The following CD1B variants were observed in gnomAD, a reference collection of about 807,000 sequenced individuals.
CD1B encodes the protein T-cell surface glycoprotein CD1b.
In CD1B, 43 loss-of-function variants were observed where a neutral mutation model predicts 39.8. The observed-to-expected ratio is 1.08, with a 90% CI of 0.85 to 1.39. The LOEUF is 1.39. Among genes scored for constraint, CD1B ranks in the 40% most tolerant of loss-of-function variants. The pLI, the probability that CD1B is intolerant of heterozygous loss-of-function variation, is 0.00. For missense variants in CD1B, 495 were observed against 403.8 expected (o/e 1.23, Z -1.94); for synonymous variants, 192 against 152.5 (o/e 1.26, Z -1.91).
At position 158,329,894 on chromosome 1, in the gene CD1B, A is replaced by G. The variant is rs759371580; in HGVS notation, c.565T>C (p.Leu189=). 4 of 1,614,172 alleles carry G rather than the reference A, an allele frequency of 2.5e-6. No homozygotes were observed. The highest frequency in any genetic ancestry group is 3.3e-5 in the Admixed American group (2 of 60,024). ...GCTTTTCCTGCATTGAGGACGCCCA[A>G]GAGATATCGGGGGCAGGTTTCATAG... The part of the protein sequence containing the change: ...LLYETCPRYL[L]GVLNAGKADL... The change falls in exon 3 of 6, where the codon TTG becomes CTG. Residue 189 remains leucine, a synonymous_variant. Coordinates refer to ENST00000368168, the MANE Select transcript of CD1B (RefSeq NM_001764.3).
intron 2 of CD1B, 69 bp downstream of exon 2, chr1:158,330,727 C>G (rs766031761): frequency 1.4e-6 from 2 of 1,475,468 alleles, no homozygotes; most frequent in Admixed American, 1.7e-5. Context: ...TCAGAGAGAG[C>G]AACACTTTGC....
rs561469066 is a variant in CD1B, at chr1:158,329,143, A to G, written c.887-129T>C. On this transcript the variant is annotated intron_variant, in intron 4 of 5. Coordinates refer to ENST00000368168, the MANE Select transcript of CD1B (RefSeq NM_001764.3). Reference sequence around the variant, plus strand: ...TTCCTCTCTCATATTCCTGGCCACCATATATCCATCCTTTGATCCCCTCTA... The same window carrying G: ...TTCCTCTCTCATATTCCTGGCCACCGTATATCCATCCTTTGATCCCCTCTA... 42 of 940,100 alleles carry G rather than the reference A, an allele frequency of 4.5e-5. 1 individual carries two copies. The highest frequency in any genetic ancestry group is 6.3e-5 in the Non-Finnish European group (39 of 621,732). 58.2% of individuals were successfully genotyped at this position (940,100 alleles called of 1,614,324 possible).
At chr1:158,296,854 G>A in the CD1B span, among the ~76,000 whole-genome samples, 2 of 152,262 alleles carry the variant, frequency 1.3e-5, no homozygotes, top group South Asian at 2.1e-4. Flanking sequence ...GAATCTCAGA[G>A]CTCAAAGACC....
At chr1:158,292,881 CTG>C in the CD1B span, 5 of 1,613,020 alleles carry the variant, frequency 3.1e-6, no homozygotes, top group Admixed American at 8.3e-5. Flanking sequence ...TGGGGTAAGA[CTG>C]GAGGTTGGAA....
At chr1:158,316,033 C>T in the CD1B span, among the ~76,000 whole-genome samples, 2 of 151,844 alleles carry the variant, frequency 1.3e-5, no homozygotes, top group African/African-American at 4.9e-5. Flanking sequence ...GTTTTGGTTC[C>T]AGTACCATGC....
At position 158,329,955 on chromosome 1, in the gene CD1B, T is replaced by G; in HGVS notation, c.504A>C (p.Gln168His). ...TCACAGTTTCCATGATACCTTGATA[T>G]TGTATGATTAGTGCACAGAATTTCT... The part of the protein sequence containing the change: ...RAQKFCALII[Q>H]YQGIMETVRI... The change falls in exon 3 of 6, where the codon CAA (glutamine) becomes CAC (histidine). Residue 168 changes from glutamine (Q) to histidine (H), a missense_variant. Gln to His is a conservative substitution (Grantham distance 24, BLOSUM62 0). Transcript: ENST00000368168. 1 of 1,614,016 alleles carries G rather than the reference T, an allele frequency of 6.2e-7. No individual in the cohort carries two copies. The highest frequency in any genetic ancestry group is 8.5e-7 in the Non-Finnish European group (1 of 1,179,972).
chr1:158,306,006 G>T, the CD1B span, among the ~76,000 whole-genome samples: 2 of 152,152 alleles, frequency 1.3e-5, no homozygotes, highest in Non-Finnish European at 2.9e-5. Context: ...GTCGAGGCTA[G>T]GAAGAAACTG....
chr1:158,320,454 G>A, the CD1B span, among the ~76,000 whole-genome samples: 2 of 152,166 alleles, frequency 1.3e-5, no homozygotes, highest in African/African-American at 4.8e-5. Flanking sequence ...TCTTTGACTA[G>A]GAAAGGGAAC....
chr1:158,285,597 G>A, the CD1B span, among the ~76,000 whole-genome samples: 2 of 152,124 alleles, frequency 1.3e-5, no homozygotes. Context: ...AGAAAATACT[G>A]TATAAACAGA....
In CD1B at chr1:158,330,871, C is replaced by T. The variant is rs149817745; in HGVS notation, c.253G>A (p.Glu85Lys). 2.9e-5 allele frequency: 46 copies of T among 1,613,992 alleles called. No homozygotes were observed. Among genetic ancestry groups the T allele is most frequent in the Middle Eastern group, 1.6e-4 (1 of 6,084 alleles). The change falls in exon 2 of 6, where the codon GAG becomes AAG. Residue 85 changes from glutamate to lysine, a missense_variant. Glu to Lys is a moderately conservative substitution (Grantham distance 56). Coordinates refer to ENST00000368168, the MANE Select transcript of CD1B (RefSeq NM_001764.3). ...NFSDKEVAELEEIFRVYIFGF... is the reference protein window; with the variant it reads ...NFSDKEVAELKEIFRVYIFGF... ...AAGATGTAGACTCGGAATATCTCCT[C>T]TAACTCAGCAACCTCCTTATCACTA...
the CD1B span, among the ~76,000 whole-genome samples, chr1:158,322,096 C>T: frequency 6.6e-6 from 1 of 152,100 alleles, no homozygotes; most frequent in African/African-American, 2.4e-5. Flanking sequence ...CAATTTACAT[C>T]TTTTGTATGG....
At chr1:158,301,103 G>A in the CD1B span, among the ~76,000 whole-genome samples, 5 of 151,792 alleles carry the variant, frequency 3.3e-5, no homozygotes, top group Non-Finnish European at 7.4e-5. Context: ...CAGAGACTGG[G>A]ATTGCAACCC....
chr1:158,292,966 G>A, the CD1B span: 1 of 1,270,118 alleles, frequency 7.9e-7, no homozygotes, highest in Non-Finnish European at 1.1e-6. Flanking sequence ...CTAGGTGAGG[G>A]ATTGTAGGAA....
the CD1B span, among the ~76,000 whole-genome samples, chr1:158,302,792 A>G: frequency 6.6e-6 from 1 of 152,178 alleles, no homozygotes; most frequent in African/African-American, 2.4e-5. Flanking sequence ...TCAGTAATAA[A>G]AAGGTTGCCA....
In CD1B at chr1:158,330,102, G is replaced by A. The variant is rs1317646802; in HGVS notation, c.357C>T (p.Gly119=). The change falls in exon 3 of 6, where the codon GGC becomes GGT. Residue 119 remains glycine (G), a synonymous_variant. Coordinates refer to ENST00000368168, the MANE Select transcript of CD1B (RefSeq NM_001764.3). ...KYPFEIQGIA[G]CELHSGGAIV... ...TGGCACCTCCAGAATGTAGCTCACA[G>A]CCTGCTATGCCCTGGATCTCAAAGG... is the stretch of plus-strand genomic sequence containing the variant. 3 of 1,613,674 alleles carry A rather than the reference G, an allele frequency of 1.9e-6. No homozygotes were observed. The highest frequency in any genetic ancestry group is 2.5e-6 in the Non-Finnish European group (3 of 1,179,750).
At chr1:158,307,888 G>C in the CD1B span, among the ~76,000 whole-genome samples, 3 of 152,116 alleles carry the variant, frequency 2.0e-5, no homozygotes, top group Non-Finnish European at 2.9e-5. Flanking sequence ...ATACTGAATG[G>C]GCAAAACCTG....
rs762905156 is a variant in CD1B, at chr1:158,329,439, C to T, written c.817G>A (p.Glu273Lys). The T allele has an allele frequency of 6.2e-7, 1 of 1,614,188 alleles. No individual in the cohort carries two copies. The highest frequency in any genetic ancestry group is 8.5e-7 in the Non-Finnish European group (1 of 1,180,042). ...ACCCGACAGGACAGGCCAGCCGCCTCCCCATCTGCCACATCCAGGGTTGCT... is the reference window on the plus strand; with the variant it reads ...ACCCGACAGGACAGGCCAGCCGCCTTCCCATCTGCCACATCCAGGGTTGCT... The part of the protein sequence containing the change: ...LRATLDVADG[E>K]AAGLSCRVKH... Residue 273 changes from glutamate to lysine, a missense_variant, in exon 4 of 6, where the codon GAG becomes AAG. Physicochemically the swap from Glu to Lys is moderately conservative, Grantham distance 56. Coordinates refer to ENST00000368168, the MANE Select transcript of CD1B (RefSeq NM_001764.3).
chr1:158,321,962 T>C, the CD1B span, among the ~76,000 whole-genome samples: 2 of 152,112 alleles, frequency 1.3e-5, no homozygotes, highest in East Asian at 3.9e-4. Flanking sequence ...CTCCCCACCA[T>C]GTGTCCATGT....
chr1:158,317,214 T>C, the CD1B span, among the ~76,000 whole-genome samples: 1 of 151,714 alleles, frequency 6.6e-6, no homozygotes, highest in Admixed American at 6.6e-5. Context: ...TTTCTATTGA[T>C]TGGAATAGTT....
Sources: allele counts gnomAD v4.1 joint callset (sites outside exome capture counted in the v4.1 genomes callset), GRCh38; gene constraint gnomAD v4.1.1; transcripts MANE v1.5; gene names NCBI Gene and HGNC (gene_info 2026-07-23, HGNC 2026-07-21).